ARHGAP26: variants seen among roughly 807,000 people sequenced by gnomAD.
ARHGAP26 encodes the protein rho GTPase-activating protein 26.
Under a neutral mutation model 104.8 loss-of-function variants are expected in ARHGAP26, and 38 were observed. The ratio of observed to expected loss-of-function variants is 0.36; its 90% confidence interval spans 0.28 to 0.48. ARHGAP26 has a LOEUF of 0.48. Ranked by LOEUF, ARHGAP26 falls within the 20% of genes least tolerant of loss-of-function variation. The pLI is 0.99. For synonymous variants in ARHGAP26, 341 were observed against 340.0 expected (o/e 1.00, Z -0.03); for missense variants, 704 against 947.9 (o/e 0.74, Z 3.38).
chr5:142,858,061 C>CTGTGTGTGTG (rs746146391), intron 1 of ARHGAP26, among the ~76,000 whole-genome samples: 4,193 of 134,206 alleles, frequency 0.031, 127 homozygotes, highest in East Asian at 0.13. Context: ...GAGAGAGAAT[C>CTGTGTGTGTG]TGTGTGTGTG....
chr5:142,841,171 T>C (rs796848843), intron 1 of ARHGAP26, among the ~76,000 whole-genome samples: 34 of 152,228 alleles, frequency 2.2e-4, no homozygotes, highest in African/African-American at 7.5e-4. Context: ...GGTCTGGGGA[T>C]AAAACAGCAT....
chr5:143,040,379 G>A (rs774348051), intron 13 of ARHGAP26, among the ~76,000 whole-genome samples: 1 of 151,978 alleles, frequency 6.6e-6, no homozygotes, highest in Non-Finnish European at 1.5e-5. Flanking sequence ...TGCAGAATTG[G>A]TCCTTTCCTG....
chr5:143,036,834 G>T (rs1291122121), intron 12 of ARHGAP26, among the ~76,000 whole-genome samples: 1 of 152,138 alleles, frequency 6.6e-6, no homozygotes, highest in South Asian at 2.1e-4. Context: ...GAAGGAGACC[G>T]CAATTAGTTC....
At chr5:142,947,526 A>G (rs553816388) in intron 11 of ARHGAP26, among the ~76,000 whole-genome samples, 2 of 152,126 alleles carry the variant, frequency 1.3e-5, no homozygotes, top group South Asian at 4.2e-4. Flanking sequence ...CATGCCAGGG[A>G]GATGTTGACC....
intron 20 of ARHGAP26, among the ~76,000 whole-genome samples, chr5:143,181,831 T>A (rs1397838118): frequency 6.6e-6 from 1 of 152,198 alleles, no homozygotes; most frequent in East Asian, 1.9e-4. Context: ...TGCCTCCGAT[T>A]CAGGAATTTG....
intron 1 of ARHGAP26, among the ~76,000 whole-genome samples, chr5:142,822,833 C>T (rs1241871838): frequency 6.6e-6 from 1 of 152,146 alleles, no homozygotes; most frequent in Non-Finnish European, 1.5e-5. Flanking sequence ...GGCTAAACCC[C>T]ATATTATTCC....
intron 11 of ARHGAP26, among the ~76,000 whole-genome samples, chr5:143,003,205 G>A (rs966596423): frequency 9.2e-5 from 14 of 152,300 alleles, no homozygotes; most frequent in African/African-American, 3.4e-4. Context: ...CTCCTTCACT[G>A]GTTATTGGGG....
chr5:143,026,283 C>T (rs993933538), intron 12 of ARHGAP26, among the ~76,000 whole-genome samples: 1 of 152,136 alleles, frequency 6.6e-6, no homozygotes, highest in African/African-American at 2.4e-5. Flanking sequence ...TCTCTGCTCT[C>T]ATGGAGCATA....
At chr5:142,910,947 A>G (rs1223913052) in intron 9 of ARHGAP26, among the ~76,000 whole-genome samples, 2 of 152,228 alleles carry the variant, frequency 1.3e-5, no homozygotes, top group African/African-American at 4.8e-5. Flanking sequence ...CTTTTAACCT[A>G]GATAATTGGG....
intron 9 of ARHGAP26, among the ~76,000 whole-genome samples, chr5:142,908,120 G>A (rs1049441908): frequency 2.0e-5 from 3 of 152,168 alleles, no homozygotes; most frequent in African/African-American, 7.2e-5. Flanking sequence ...CTCATCCTGT[G>A]AAACTGATTC....
At chr5:142,800,477 C>T (rs1321198241) in intron 1 of ARHGAP26, among the ~76,000 whole-genome samples, 5 of 152,024 alleles carry the variant, frequency 3.3e-5, no homozygotes, top group Admixed American at 1.3e-4. Flanking sequence ...ATTCTCCTGC[C>T]TCAGCCTCCC....
rs545704266 is a variant in ARHGAP26 at position 142,901,913 on chromosome 5, T to C, written c.598-22T>C. On this transcript the variant is annotated intron_variant, in intron 6 of 22. Transcript: ENST00000645722. ...CTTTTCAACCTGGTTATGTGACCTTTGCCTTTCTTCCTTCATTACAGCTGC... is the reference window on the plus strand; with the variant it reads ...CTTTTCAACCTGGTTATGTGACCTTCGCCTTTCTTCCTTCATTACAGCTGC... 3.1e-6 allele frequency: 5 copies of C among 1,605,558 alleles called. No homozygotes were observed. In the African/African-American group the frequency reaches 5.3e-5, roughly 17 times the overall value.
At chr5:143,054,856 T>C (rs931015882) in intron 15 of ARHGAP26, among the ~76,000 whole-genome samples, 16 of 152,244 alleles carry the variant, frequency 1.1e-4, no homozygotes, top group African/African-American at 3.6e-4. Context: ...GAATCATGAA[T>C]CATCTTCTGT....
intron 1 of ARHGAP26, among the ~76,000 whole-genome samples, chr5:142,779,454 G>T (rs1442225033): frequency 1.3e-5 from 2 of 151,814 alleles, no homozygotes; most frequent in African/African-American, 4.8e-5. Context: ...TGTTTTCTTT[G>T]CCAGATAGAC....
chr5:143,150,516 G>A (rs1799717969), intron 20 of ARHGAP26, among the ~76,000 whole-genome samples: 1 of 152,186 alleles, frequency 6.6e-6, no homozygotes, highest in Admixed American at 6.5e-5. Flanking sequence ...GTGGATGGAT[G>A]AAGAGCATTC....
At chr5:143,186,127 A>G (rs2151219522) in intron 20 of ARHGAP26, among the ~76,000 whole-genome samples, 1 of 152,358 alleles carries the variant, frequency 6.6e-6, no homozygotes, top group East Asian at 1.9e-4. Flanking sequence ...GATCCAGTCC[A>G]GCCTACCTTG....
chr5:143,214,007 C>G lies in ARHGAP26; in HGVS notation c.2110C>G (p.Arg704Gly). The G allele has an allele frequency of 6.3e-7, 1 of 1,589,524 alleles. No homozygotes were observed. The highest frequency in any genetic ancestry group is 8.6e-7 in the Non-Finnish European group (1 of 1,162,874). The change falls in exon 22 of 23, where the codon CGG becomes GGG. Residue 704 changes from arginine (R) to glycine (G), a missense_variant. Transcript: ENST00000645722. ...CCTGTTTTCACACAGCACACCGTTCCGGAAGGCAAAAGCCTTGTATGCCTG... is the reference window on the plus strand; with the variant it reads ...CCTGTTTTCACACAGCACACCGTTCGGGAAGGCAAAAGCCTTGTATGCCTG... ...SDSSPVSTPF[R>G]KAKALYACKA...
chr5:143,206,691 G>A (rs1340689024), intron 20 of ARHGAP26, among the ~76,000 whole-genome samples: 1 of 152,110 alleles, frequency 6.6e-6, no homozygotes, highest in Non-Finnish European at 1.5e-5. Context: ...GATCTCCAGT[G>A]GCACACAGCC....
At chr5:142,981,505 C>T (rs771698094) in intron 11 of ARHGAP26, among the ~76,000 whole-genome samples, 1 of 152,124 alleles carries the variant, frequency 6.6e-6, no homozygotes, top group Non-Finnish European at 1.5e-5. Flanking sequence ...CATGAGCTAC[C>T]CTCATGATTT....
Sources: gnomAD v4.1 joint callset for allele counts (sites outside exome capture counted in the v4.1 genomes callset) on GRCh38, gnomAD v4.1.1 for gene constraint, MANE v1.5 for transcripts, NCBI Gene and HGNC (gene_info 2026-07-23, HGNC 2026-07-21) for gene names.